Variants in ACAD10 observed in about 807,000 individuals in gnomAD.
The protein encoded by ACAD10 is acyl-CoA dehydrogenase family member 10, also known as ACAD-10.
Under a neutral mutation model 116.8 loss-of-function variants are expected in ACAD10, and 112 were observed. The ratio of observed to expected loss-of-function variants is 0.96; its 90% CI spans 0.82 to 1.12. ACAD10 has a LOEUF of 1.12. ACAD10 is among the 50% of genes most tolerant of loss of function. The probability of loss-of-function intolerance (pLI) is 0.00; values close to 1 mark genes in which losing one functional copy is unlikely to be tolerated. For synonymous variants in ACAD10, 486 were observed against 510.6 expected, an observed-to-expected ratio of 0.95 and a Z score of 0.65; for missense variants, 1,259 against 1,350.2, an observed-to-expected ratio of 0.93 and a Z score of 1.06.
At chr12:111,723,616 C>T (rs1190327425) in intron 8 of ACAD10, among the ~76,000 whole-genome samples, 5 of 141,504 alleles carry the variant, frequency 3.5e-5, no homozygotes, top group Admixed American at 6.8e-5. Flanking sequence ...ACCTCCCTCC[C>T]GGACGGGGCG....
At chr12:111,720,411 T>A (rs1271415553) in intron 7 of ACAD10, among the ~76,000 whole-genome samples, 1 of 152,198 alleles carries the variant, frequency 6.6e-6, no homozygotes, top group Non-Finnish European at 1.5e-5. Context: ...ACTTGTGGAT[T>A]TCTCCATTTT....
At chr12:111,753,740 T>G (rs764495757) in intron 18 of ACAD10, 32 bp from the exon 19 acceptor site, 3 of 1,613,504 alleles carry the variant, frequency 1.9e-6, no homozygotes, top group Admixed American at 3.3e-5. Context: ...CAGCCCAGCA[T>G]GTCCTCAGCC....
intron 10 of ACAD10, among the ~76,000 whole-genome samples, chr12:111,730,663 A>G (rs1270832436): frequency 6.6e-6 from 1 of 151,584 alleles, no homozygotes; most frequent in African/African-American, 2.4e-5. Flanking sequence ...AGCATGCCTT[A>G]TTTGGCTTGT....
chr12:111,717,873 T>C (rs1329482184), intron 7 of ACAD10, among the ~76,000 whole-genome samples: 1 of 152,078 alleles, frequency 6.6e-6, no homozygotes, highest in African/African-American at 2.4e-5. Flanking sequence ...ATTAATTCAA[T>C]TTAACAAAAA....
chr12:111,733,034 T>G (rs1278953174), intron 10 of ACAD10, among the ~76,000 whole-genome samples: 1 of 152,186 alleles, frequency 6.6e-6, no homozygotes, highest in African/African-American at 2.4e-5. Context: ...GGGCCTCTCT[T>G]TCTGTCTCTT....
chr12:111,743,975 C>T (rs1449711154), intron 12 of ACAD10, among the ~76,000 whole-genome samples: 3 of 151,358 alleles, frequency 2.0e-5, no homozygotes, highest in African/African-American at 7.3e-5. Flanking sequence ...CTTGAACTCC[C>T]GACCTCAAGT....
chr12:111,697,557 C>A (rs1430936760), intron 2 of ACAD10, among the ~76,000 whole-genome samples: 1 of 147,310 alleles, frequency 6.8e-6, no homozygotes. Flanking sequence ...GACAGGGTTT[C>A]GCCATGTTGA....
At chr12:111,718,315 C>T (rs530682908) in intron 7 of ACAD10, among the ~76,000 whole-genome samples, 64 of 152,208 alleles carry the variant, frequency 4.2e-4, no homozygotes, top group African/African-American at 1.4e-3. Context: ...TCCCAAAGTG[C>T]TGGGATTACA....
rs1195389633 is a variant in ACAD10, at chr12:111,712,519, G to A, written c.712G>A (p.Val238Ile). ...TIKVNDPETA[V>I]KELEALLGFT... is the part of the protein sequence containing the mutation. Reference sequence around the variant, plus strand: ...CCAGGTTAATGACCCAGAGACTGCAGTAAAGGAATTAGAAGCTCTCTTGGG... The same window carrying A: ...CCAGGTTAATGACCCAGAGACTGCAATAAAGGAATTAGAAGCTCTCTTGGG... The change falls in exon 6 of 21, where the codon GTA becomes ATA. Residue 238 changes from valine to isoleucine, a missense_variant. Physicochemically the swap from Val to Ile is conservative, Grantham distance 29 (BLOSUM62 3). Coordinates refer to ENST00000313698, the MANE Select transcript of ACAD10 (RefSeq NM_025247.6). 1.2e-6 allele frequency: 2 copies of A among 1,614,066 alleles called. No individual in the cohort carries two copies. The highest frequency in any genetic ancestry group is 2.2e-5 in the East Asian group (1 of 44,892).
intron 8 of ACAD10, among the ~76,000 whole-genome samples, chr12:111,727,040 A>G (rs111360320): frequency 6.6e-6 from 1 of 152,140 alleles, no homozygotes; most frequent in Non-Finnish European, 1.5e-5. Context: ...AGCCTGGCCA[A>G]TATGGTGAAA....
intron 16 of ACAD10, among the ~76,000 whole-genome samples, chr12:111,748,086 G>T (rs1889967208): frequency 6.6e-6 from 1 of 152,190 alleles, no homozygotes; most frequent in Non-Finnish European, 1.5e-5. Context: ...TACTCTATGT[G>T]ATGCTTTTAA....
chr12:111,723,379 C>T (rs2055884611), intron 8 of ACAD10, among the ~76,000 whole-genome samples: 1 of 140,224 alleles, frequency 7.1e-6, no homozygotes, highest in Non-Finnish European at 1.6e-5. Flanking sequence ...GCTGACCCCC[C>T]CACCTCCCTC....
At chr12:111,700,985 C>G (rs1359923060) in intron 2 of ACAD10, among the ~76,000 whole-genome samples, 3 of 152,112 alleles carry the variant, frequency 2.0e-5, no homozygotes, top group Middle Eastern at 3.4e-3. Context: ...TATCAGACTC[C>G]TAGCCTCAAG....
At chr12:111,726,441 A>G (rs1215363631) in intron 8 of ACAD10, among the ~76,000 whole-genome samples, 1 of 152,212 alleles carries the variant, frequency 6.6e-6, no homozygotes, top group Non-Finnish European at 1.5e-5. Flanking sequence ...TATTGGAACC[A>G]GAGACCATGT....
chr12:111,715,315 G>A lies in ACAD10; in HGVS notation c.851-506G>A, dbSNP rs561728569. On this transcript the variant is annotated intron_variant, in intron 6 of 20. Transcript: ENST00000313698. ...AGGGAGCCACAGAATTCAGCCTAGTGCAGTGGGAAATTACATCTCATGAAA... is the reference window on the plus strand; with the variant it reads ...AGGGAGCCACAGAATTCAGCCTAGTACAGTGGGAAATTACATCTCATGAAA... 3.5e-4 allele frequency among the ~76,000 whole-genome samples: 53 copies of A among 152,368 alleles called. 1 individual carries two copies. The South Asian group carries it at 0.01, about 30-fold the overall frequency.
intron 7 of ACAD10, among the ~76,000 whole-genome samples, chr12:111,718,036 CTTTTTTTTTTTTTTTTTTT>C (rs560344796): frequency 3.1e-5 from 2 of 63,680 alleles, no homozygotes; most frequent in Admixed American, 2.0e-4. Flanking sequence ...TAGTGATATC[CTTTTTTTTTTTTTTTTTTT>C]TTTTTTTTTT....
At chr12:111,747,229 TGTC>T (rs1889935825) in intron 15 of ACAD10, 43 bp downstream of exon 15, 3 of 1,610,012 alleles carry the variant, frequency 1.9e-6, no homozygotes, top group Admixed American at 3.3e-5. Context: ...GCCCTGTTGT[TGTC>T]GGCCCCACAG....
Position 111,709,685 on chromosome 12 carries a change from G to C in ACAD10, c.690+1G>C. On this transcript the variant is annotated splice_donor_variant, in intron 5 of 20. Transcript: ENST00000313698. LOFTEE classifies it high-confidence loss of function. ...CAGACTTGGTATTCACACCATTAAG[G>C]TAATAGTCACTAATTTTTGAACTCC... 2.5e-6 allele frequency: 4 copies of C among 1,604,320 alleles called. No homozygotes were observed. The highest frequency in any genetic ancestry group is 3.4e-6 in the Non-Finnish European group (4 of 1,176,842).
intron 18 of ACAD10, 118 bp downstream of exon 18, chr12:111,749,463 G>C: frequency 1.5e-6 from 2 of 1,333,802 alleles, no homozygotes; most frequent in Non-Finnish European, 2.0e-6. Context: ...GCAAGGTGAT[G>C]TCCTTGCCAA....
Sources: allele counts gnomAD v4.1 joint callset (sites outside exome capture counted in the v4.1 genomes callset), GRCh38; gene constraint gnomAD v4.1.1; transcripts MANE v1.5; gene names NCBI Gene and HGNC (gene_info 2026-07-23, HGNC 2026-07-21).